Variants in TECTA observed in about 807,000 individuals in gnomAD.
TECTA encodes the protein tectorin alpha, also known as alpha-tectorin.
Under a neutral mutation model 216.8 loss-of-function variants are expected in TECTA, and 128 were observed. The ratio of observed to expected loss-of-function variants is 0.59; its 90% CI spans 0.51 to 0.68. The LOEUF is 0.68. Among genes scored for constraint, TECTA ranks in the 30% least tolerant of loss-of-function variants. The pLI is 0.00. For missense variants in TECTA, 2,551 were observed against 2,786.2 expected (o/e 0.92, Z 1.90); for synonymous variants, 1,089 against 1,117.1 (o/e 0.97, Z 0.50).
intron 19 of TECTA, 37 bp downstream of exon 19, chr11:121,168,254 T>A: frequency 6.2e-7 from 1 of 1,613,646 alleles, no homozygotes; most frequent in Non-Finnish European, 8.5e-7. Flanking sequence ...TTGCTTTTTC[T>A]ATTCCTTGAC....
chr11:121,108,587 TAC>T (rs1946412860), intron 3 of TECTA, among the ~76,000 whole-genome samples: 1 of 122,804 alleles, frequency 8.1e-6, no homozygotes, highest in Non-Finnish European at 1.7e-5. Flanking sequence ...CATCCCAGTA[TAC>T]ACACACACCA....
chr11:121,162,265 TACA>T lies in TECTA; in HGVS notation c.5168_5170del (p.Tyr1723_Ser1724delinsCys). On this transcript the variant is annotated inframe_deletion, in exon 16 of 24. Transcript: ENST00000392793. ...CGAGTCCTGCTACCTGGACGGCTGC[TACA>T]GCCACAAGAAGTTCCAGCTGTGCGG... The T allele has an allele frequency of 6.2e-7, 1 of 1,614,040 alleles. No homozygotes were observed. The highest frequency in any genetic ancestry group is 8.5e-7 in the Non-Finnish European group (1 of 1,180,038).
intron 9 of TECTA, among the ~76,000 whole-genome samples, chr11:121,129,268 G>C (rs1946647306): frequency 6.6e-6 from 1 of 152,226 alleles, no homozygotes; most frequent in African/African-American, 2.4e-5. Context: ...GACTGGAAGA[G>C]AAAAGCAGCC....
Position 121,137,434 on chromosome 11 carries a change from A to C in TECTA, c.2955A>C (p.Pro985=). The C allele has an allele frequency of 1.2e-6, 2 of 1,613,978 alleles. No individual in the cohort carries two copies. The highest frequency in any genetic ancestry group is 2.2e-5 in the South Asian group (2 of 91,080). ...RTYDFCPLEC[P]ENSHFEECIT... ...GACCACCTGCAGCACTGGAGTGCCC[A>C]GAGAACAGCCACTTTGAGGAGTGCA... Residue 985 remains proline (P), a synonymous_variant, in exon 11 of 24, where the codon CCA becomes CCC. Transcript: ENST00000392793.
At position 121,189,179 on chromosome 11, in the gene TECTA, C is replaced by A. The variant is rs199696601; in HGVS notation, c.6250+12C>A. On this transcript the variant is annotated intron_variant, in intron 22 of 23. Transcript: ENST00000392793. Reference sequence around the variant, plus strand: ...TATTAGGAGAAAAAGTATGTATGTTCCCTAAAACACACCCTAAATTATTAA... The same window carrying A: ...TATTAGGAGAAAAAGTATGTATGTTACCTAAAACACACCCTAAATTATTAA... 6.2e-7 allele frequency: 1 copy of A among 1,611,150 alleles called. No homozygotes were observed. Among genetic ancestry groups the A allele is most frequent in the African/African-American group, 1.3e-5 (1 of 74,828 alleles).
In TECTA at chr11:121,153,054, T is replaced by G; in HGVS notation, c.4279T>G (p.Cys1427Gly). 3 of 1,614,102 alleles carry G rather than the reference T, an allele frequency of 1.9e-6. No individual in the cohort carries two copies. Among genetic ancestry groups the G allele is most frequent in the Non-Finnish European group, 2.5e-6 (3 of 1,179,998 alleles). Reference protein sequence around the residue: ...KSCILPHSCGCYSDGKYYEPK... With the variant: ...KSCILPHSCGGYSDGKYYEPK... ...CTGCATCCTGCCCCACAGCTGCGGC[T>G]GCTACTCCGATGGCAAATATTACGA... Residue 1427 changes from cysteine to glycine, a missense_variant, in exon 13 of 24, where the codon TGC becomes GGC. Cys to Gly is a radical substitution (Grantham distance 159, BLOSUM62 -3). Transcript: ENST00000392793.
intron 13 of TECTA, among the ~76,000 whole-genome samples, chr11:121,153,321 A>G (rs1744900897): frequency 6.6e-6 from 1 of 152,120 alleles, no homozygotes; most frequent in African/African-American, 2.4e-5. Context: ...CCACAGTGGC[A>G]AGGTCTCCAG....
chr11:121,167,933 C>T (rs1374670918), intron 18 of TECTA, 121 bp from the exon 19 acceptor site: 4 of 1,133,198 alleles, frequency 3.5e-6, no homozygotes, highest in Non-Finnish European at 5.3e-6. Flanking sequence ...CTGATTTATA[C>T]TGGCCTCTAA....
At chr11:121,134,498 T>C (rs954031768) in intron 10 of TECTA, among the ~76,000 whole-genome samples, 6 of 152,070 alleles carry the variant, frequency 3.9e-5, no homozygotes, top group Non-Finnish European at 7.3e-5. Context: ...ACTCCAGAGC[T>C]ACCTACAGCA....
chr11:121,104,301 T>C (rs534515602), intron 2 of TECTA, among the ~76,000 whole-genome samples: 3 of 152,256 alleles, frequency 2.0e-5, no homozygotes, highest in African/African-American at 4.8e-5. Context: ...ATTATGTAAA[T>C]AGAAATGTTA....
intron 20 of TECTA, among the ~76,000 whole-genome samples, chr11:121,169,465 C>T (rs1749805917): frequency 6.6e-6 from 1 of 152,160 alleles, no homozygotes; most frequent in African/African-American, 2.4e-5. Flanking sequence ...GAAGAAAAGA[C>T]TGTAGACCAA....
Position 121,170,512 on chromosome 11 carries a change from A to C in TECTA, c.5999+1587A>C, listed in dbSNP as rs185511747. On this transcript the variant is annotated intron_variant, in intron 20 of 23. Coordinates refer to ENST00000392793, the MANE Select transcript of TECTA (RefSeq NM_005422.4). ...GTGTGAAACCTCTGTAGTGTTTCCCATAATGGCTGTACTCATTTCTAGTCC... is the reference window on the plus strand; with the variant it reads ...GTGTGAAACCTCTGTAGTGTTTCCCCTAATGGCTGTACTCATTTCTAGTCC... 5.6e-3 allele frequency among the ~76,000 whole-genome samples: 848 copies of C among 152,226 alleles called. 11 individuals are homozygous for C. The highest frequency in any genetic ancestry group is 0.019 in the African/African-American group (796 of 41,560).
At chr11:121,152,780 C>A in intron 12 of TECTA, 101 bp from the exon 13 acceptor site, 1 of 1,269,400 alleles carries the variant, frequency 7.9e-7, no homozygotes. Context: ...CTGCCTCTCC[C>A]CGTGCCTTTC....
chr11:121,127,899 C>T lies in TECTA; in HGVS notation c.1922C>T (p.Thr641Ile). 6.2e-7 allele frequency: 1 copy of T among 1,614,096 alleles called. No homozygotes were observed. The highest frequency in any genetic ancestry group is 8.5e-7 in the Non-Finnish European group (1 of 1,180,020). Residue 641 changes from threonine (T) to isoleucine (I), a missense_variant, in exon 9 of 24, where the codon ACC (threonine) becomes ATC (isoleucine). Transcript: ENST00000392793. The surrounding 1 kb of genome is among the most constrained non-coding windows in gnomAD (Gnocchi z 5.0). ...CECNQGFVLS[T>I]SQCVPLHKCG... ...TGCAACCAGGGCTTCGTCCTCAGCA[C>T]CAGCCAGTGCGTCCCTCTGCACAAG...
At chr11:121,123,667 C>T (rs892531465) in intron 7 of TECTA, among the ~76,000 whole-genome samples, 3 of 152,202 alleles carry the variant, frequency 2.0e-5, no homozygotes, top group African/African-American at 7.2e-5. Flanking sequence ...GCTTAAAAGG[C>T]CCTCCAAGAC....
At chr11:121,118,993 GCACACACACACACACACA>G (rs3222344) in intron 7 of TECTA, among the ~76,000 whole-genome samples, 1 of 55,950 alleles carries the variant, frequency 1.8e-5, no homozygotes, top group African/African-American at 5.1e-5. Context: ...ACACTGATAG[GCACACACACACACACACA>G]CACACACACA....
rs1378716572 is a variant in TECTA, at chr11:121,109,389, C to T, written c.377C>T (p.Thr126Ile). ...GAGCCTGCCATCTTGAAAAGAGCCACCAAGGACATCAGGAAGTACTTCAAA... is the reference window on the plus strand; with the variant it reads ...GAGCCTGCCATCTTGAAAAGAGCCATCAAGGACATCAGGAAGTACTTCAAA... Reference protein sequence around the residue: ...TMEPAILKRATKDIRKYFKDM... With the variant: ...TMEPAILKRAIKDIRKYFKDM... Residue 126 changes from threonine to isoleucine, a missense_variant, in exon 4 of 24, where the codon ACC (threonine) becomes ATC (isoleucine). Physicochemically the swap from Thr to Ile is moderately conservative, Grantham distance 89. Coordinates refer to ENST00000392793, the MANE Select transcript of TECTA (RefSeq NM_005422.4). 1 of 1,614,146 alleles carries T rather than the reference C, an allele frequency of 6.2e-7. No homozygotes were observed. The highest frequency in any genetic ancestry group is 8.5e-7 in the Non-Finnish European group (1 of 1,180,024).
chr11:121,113,374 G>A lies in TECTA; in HGVS notation c.624+165G>A, dbSNP rs1946463219. 6.6e-6 allele frequency among the ~76,000 whole-genome samples: 1 copy of A among 152,098 alleles called. No individual in the cohort carries two copies. The highest frequency in any genetic ancestry group is 1.5e-5 in the Non-Finnish European group (1 of 68,030). On this transcript the variant is annotated intron_variant, in intron 5 of 23. Coordinates refer to ENST00000392793, the MANE Select transcript of TECTA (RefSeq NM_005422.4). This position sits in a 1 kb window ranked among gnomAD's most constrained non-coding sequence, Gnocchi z 4.2. ...TAGTCCTGCCCATGTTTGGCACCCT[G>A]ACTCGGCTATGAAATGAACTAGGCA...
At chr11:121,148,059 A>G (rs762467619) in intron 12 of TECTA, among the ~76,000 whole-genome samples, 3 of 152,104 alleles carry the variant, frequency 2.0e-5, no homozygotes, top group African/African-American at 7.2e-5. Flanking sequence ...TCTCCCTTCT[A>G]CCAGGAACCC....
Sources: allele counts gnomAD v4.1 joint callset (sites outside exome capture counted in the v4.1 genomes callset), GRCh38; gene constraint gnomAD v4.1.1; non-coding constraint Gnocchi (gnomAD v3.1); transcripts MANE v1.5; gene names NCBI Gene and HGNC (gene_info 2026-07-23, HGNC 2026-07-21).